CCDC50: variants seen among roughly 807,000 people sequenced by gnomAD.
CCDC50 encodes the protein coiled-coil domain-containing protein 50.
In CCDC50, 54 loss-of-function variants were observed where a neutral mutation model predicts 70.2. The ratio of observed to expected loss-of-function variants is 0.77; its 90% CI spans 0.62 to 0.96. CCDC50 has a LOEUF of 0.96. CCDC50 is among the 50% of genes least tolerant of loss of function. CCDC50 has a pLI of 0.00. For synonymous variants in CCDC50, 216 were observed against 198.8 expected (o/e 1.09, Z -0.73); for missense variants, 558 against 578.7 (o/e 0.96, Z 0.37).
At chr3:191,357,884 ATGAAG>A (rs1243393874) in intron 2 of CCDC50, 109 bp from the exon 3 acceptor site, 3 of 1,296,262 alleles carry the variant, frequency 2.3e-6, no homozygotes, top group African/African-American at 2.9e-5. Flanking sequence ...AGACAATAAA[ATGAAG>A]TGATGGATGC....
intron 1 of CCDC50, among the ~76,000 whole-genome samples, chr3:191,336,875 C>G (rs1465737): frequency 0.65 from 98,683 of 152,106 alleles, 34,000 homozygotes; most frequent in East Asian, 0.92. Flanking sequence ...TCTAGTAATT[C>G]AAATTTGTTG....
At chr3:191,362,018 A>G (rs755943461) in intron 4 of CCDC50, among the ~76,000 whole-genome samples, 34 of 152,202 alleles carry the variant, frequency 2.2e-4, no homozygotes, top group Admixed American at 5.2e-4. Flanking sequence ...TTTTTAAGTC[A>G]TAGTGTTTTT....
chr3:191,391,684 G>C, intron 11 of CCDC50, 57 bp from the exon 12 acceptor site: 1 of 1,509,078 alleles, frequency 6.6e-7, no homozygotes, highest in Admixed American at 1.7e-5. Flanking sequence ...AGAAAAAGCT[G>C]TTTGAGTTTC....
intron 3 of CCDC50, among the ~76,000 whole-genome samples, chr3:191,359,209 A>G (rs925776780): frequency 1.3e-5 from 2 of 152,194 alleles, no homozygotes; most frequent in Non-Finnish European, 2.9e-5. Context: ...TCACAAGACG[A>G]TGTGTTTAAT....
At chr3:191,354,882 C>G (rs1712227574) in intron 1 of CCDC50, among the ~76,000 whole-genome samples, 1 of 152,122 alleles carries the variant, frequency 6.6e-6, no homozygotes, top group Admixed American at 6.5e-5. Flanking sequence ...GTATACTTCA[C>G]ATTGTCTGTA....
intron 3 of CCDC50, 42 bp downstream of exon 3, chr3:191,358,166 T>A: frequency 2.5e-6 from 4 of 1,612,364 alleles, no homozygotes; most frequent in Non-Finnish European, 3.4e-6. Context: ...AAGACTGGTT[T>A]TCTCTGTGGA....
At chr3:191,354,056 A>T (rs149452378) in intron 1 of CCDC50, among the ~76,000 whole-genome samples, 1 of 152,166 alleles carries the variant, frequency 6.6e-6, no homozygotes, top group South Asian at 2.1e-4. Flanking sequence ...AATGTGTCAA[A>T]CCATATCTTC....
intron 1 of CCDC50, among the ~76,000 whole-genome samples, chr3:191,344,691 G>A (rs1711849375): frequency 6.6e-6 from 1 of 152,136 alleles, no homozygotes; most frequent in African/African-American, 2.4e-5. Context: ...CGATTCTCCT[G>A]CCTCAGCCTC....
In CCDC50 at chr3:191,386,648, C is replaced by G. The variant is rs573747267; in HGVS notation, c.1323-2848C>G. On this transcript the variant is annotated intron_variant, in intron 10 of 11. Transcript: ENST00000392455. ...TAAGCATAGTCTCAGGAAACAAAAT[C>G]CATGTACAAAAATCAGTAGCATTTC... Among the ~76,000 whole-genome samples the G allele has an allele frequency of 4.6e-5, 7 of 152,274 alleles. No homozygotes were observed. In the East Asian group the frequency reaches 1.2e-3, roughly 25 times the overall value.
In CCDC50 at chr3:191,382,481, G is replaced by T. The variant is rs1713352824; in HGVS notation, c.1243-265G>T. Among the ~76,000 whole-genome samples the T allele has an allele frequency of 5.3e-5, 8 of 152,186 alleles. No homozygotes were observed. The South Asian group carries it at 1.7e-3, about 32-fold the overall frequency. ...GTGTGTTCAGCCCATTCCTCTGGCT[G>T]CTCTAAGGCTTTCAGATGAGTGGGC... is the stretch of plus-strand genomic sequence containing the variant. On this transcript the variant is annotated intron_variant, in intron 9 of 11. Coordinates refer to ENST00000392455, the MANE Select transcript of CCDC50 (RefSeq NM_178335.3).
intron 6 of CCDC50, among the ~76,000 whole-genome samples, chr3:191,377,646 A>C (rs1309254204): frequency 6.6e-6 from 1 of 152,054 alleles, no homozygotes; most frequent in African/African-American, 2.4e-5. Context: ...TATTACAAAT[A>C]CTCTTACATG....
Position 191,329,733 on chromosome 3 carries a change from C to T in CCDC50, c.49+10C>T. 3 of 1,608,432 alleles carry T rather than the reference C, an allele frequency of 1.9e-6. No individual in the cohort carries two copies. Among genetic ancestry groups the T allele is most frequent in the Non-Finnish European group, 2.5e-6 (3 of 1,178,090 alleles). ...CCTGGAGTCAAGGAAGGTAAGGGCC[C>T]CGGAGGGAGAGCGCGCGGGACCCTC... On this transcript the variant is annotated intron_variant, in intron 1 of 11. Coordinates refer to ENST00000392455, the MANE Select transcript of CCDC50 (RefSeq NM_178335.3).
intron 10 of CCDC50, among the ~76,000 whole-genome samples, chr3:191,385,241 G>A (rs540361498): frequency 1.3e-5 from 2 of 152,304 alleles, no homozygotes; most frequent in East Asian, 3.9e-4. Flanking sequence ...TCTCCAAACC[G>A]CTTTCCAGAG....
At chr3:191,339,500 C>T (rs1466269943) in intron 1 of CCDC50, among the ~76,000 whole-genome samples, 1 of 152,088 alleles carries the variant, frequency 6.6e-6, no homozygotes, top group East Asian at 1.9e-4. Flanking sequence ...CTTTCATTTC[C>T]TCTGCAGAGG....
intron 6 of CCDC50, among the ~76,000 whole-genome samples, chr3:191,376,191 C>T (rs957627998): frequency 6.6e-6 from 1 of 152,062 alleles, no homozygotes. Flanking sequence ...GGAGTGAGGC[C>T]TGGCAGTTTG....
At chr3:191,331,013 A>C (rs1236410404) in intron 1 of CCDC50, among the ~76,000 whole-genome samples, 1 of 152,198 alleles carries the variant, frequency 6.6e-6, no homozygotes, top group Non-Finnish European at 1.5e-5. Context: ...CCTGTAGAAA[A>C]CAGTTTTCAC....
chr3:191,386,423 C>T (rs547431133), intron 10 of CCDC50, among the ~76,000 whole-genome samples: 1 of 152,236 alleles, frequency 6.6e-6, no homozygotes, highest in South Asian at 2.1e-4. Context: ...TGGGGTTTCA[C>T]CATCTTGGCA....
At position 191,329,661 on chromosome 3, in the gene CCDC50, G is replaced by C. The variant is rs953288937; in HGVS notation, c.-14G>C. 3.1e-6 allele frequency: 5 copies of C among 1,606,878 alleles called. No individual in the cohort carries two copies. The highest frequency in any genetic ancestry group is 3.4e-6 in the Non-Finnish European group (4 of 1,177,498). On this transcript the variant is annotated 5_prime_UTR_variant, in exon 1 of 12. Transcript: ENST00000392455. The stretch of plus-strand genomic sequence containing the variant: ...AAGCCCGCGTTAAAGGGGCAACCGG[G>C]ACCCTGGCCCGGTATGGCTGAAGTC...
intron 5 of CCDC50, among the ~76,000 whole-genome samples, chr3:191,371,446 G>A (rs981160168): frequency 2.0e-5 from 3 of 152,178 alleles, no homozygotes; most frequent in African/African-American, 4.8e-5. Context: ...GATCACAAGT[G>A]AACAAAACCT....
Sources: allele counts gnomAD v4.1 joint callset (sites outside exome capture counted in the v4.1 genomes callset), GRCh38; gene constraint gnomAD v4.1.1; transcripts MANE v1.5; gene names NCBI Gene and HGNC (gene_info 2026-07-23, HGNC 2026-07-21).